Variants in RNF213 observed in about 807,000 individuals in gnomAD.
RNF213 encodes ring finger protein 213.
A neutral mutation model predicts 514.4 loss-of-function variants in RNF213; 341 were observed. The ratio of observed to expected loss-of-function variants is 0.66; its 90% CI spans 0.61 to 0.73. RNF213 has a LOEUF of 0.73. RNF213 is among the 30% of genes least tolerant of loss of function. The probability of loss-of-function intolerance (pLI) is 0.00; values close to 1 mark genes in which losing one functional copy is unlikely to be tolerated. For missense variants in RNF213, 5,767 were observed against 6,615.6 expected (o/e 0.87, Z 4.45); for synonymous variants, 2,655 against 2,658.2 (o/e 1.00, Z 0.04).
At chr17:80,364,314 C>A in intron 41 of RNF213, 119 bp from the exon 42 acceptor site, 1 of 1,422,454 alleles carries the variant, frequency 7.0e-7, no homozygotes, top group Non-Finnish European at 9.9e-7. Context: ...GCTTGTAATC[C>A]CAGCCGCTGG....
In RNF213 at chr17:80,340,021, G is replaced by A. The variant is rs1007982319; in HGVS notation, c.5654G>A (p.Gly1885Asp). The change falls in exon 26 of 68, where the codon GGC becomes GAC. Residue 1885 changes from glycine to aspartate, a missense_variant. By Grantham distance (94) the Gly-to-Asp change is moderately conservative. Transcript: ENST00000582970. ...ALLLRRCLTL[G>D]SLGHKVYSLL... is the part of the protein sequence containing the mutation. ...TTGCTGCGCCGCTGCCTGACCCTGGGCTCCCTGGGGCACAAGGTCTACAGC... is the reference window on the plus strand; with the variant it reads ...TTGCTGCGCCGCTGCCTGACCCTGGACTCCCTGGGGCACAAGGTCTACAGC... 6 of 1,542,890 alleles carry A rather than the reference G, an allele frequency of 3.9e-6. No homozygotes were observed. In the African/African-American group the frequency reaches 4.1e-5, roughly 11 times the overall value.
intron 26 of RNF213, 56 bp downstream of exon 26, chr17:80,340,412 T>G: frequency 6.1e-6 from 9 of 1,471,776 alleles, no homozygotes; most frequent in Non-Finnish European, 7.4e-6. Flanking sequence ...CCCGGGGCCC[T>G]TCCCCCCTCC....
At chr17:80,269,768 A>G (rs926635432) in intron 2 of RNF213, among the ~76,000 whole-genome samples, 12 of 152,182 alleles carry the variant, frequency 7.9e-5, no homozygotes, top group African/African-American at 2.7e-4. Context: ...CCATCCGTCC[A>G]TCCATCCATG....
intron 20 of RNF213, 129 bp from the exon 21 acceptor site, chr17:80,331,877 A>G: frequency 8.9e-7 from 1 of 1,125,006 alleles, no homozygotes; most frequent in Non-Finnish European, 1.2e-6. Flanking sequence ...TTCCTGAGAA[A>G]GAAATCCTAG....
rs988871666 is a variant in RNF213 at position 80,348,030 on chromosome 17, A to G, written c.9695A>G (p.Gln3232Arg). 1.9e-6 allele frequency: 3 copies of G among 1,614,096 alleles called. No homozygotes were observed. In the African/African-American group the frequency reaches 4.0e-5, roughly 22 times the overall value. The part of the protein sequence containing the change: ...HSDACASVVL[Q>R]VIERQGPRAL... Reference sequence around the variant, plus strand: ...GACGCCTGCGCGTCTGTGGTGCTGCAGGTCATAGAGAGGCAGGGTCCCCGG... The same window carrying G: ...GACGCCTGCGCGTCTGTGGTGCTGCGGGTCATAGAGAGGCAGGGTCCCCGG... The change falls in exon 29 of 68, where the codon CAG (glutamine) becomes CGG (arginine). Residue 3232 changes from glutamine (Q) to arginine (R), a missense_variant. Transcript: ENST00000582970.
At chr17:80,269,492 T>A (rs1263469284) in intron 2 of RNF213, among the ~76,000 whole-genome samples, 1 of 151,996 alleles carries the variant, frequency 6.6e-6, no homozygotes, top group Non-Finnish European at 1.5e-5. Context: ...TATCCATCCA[T>A]CCATTCATCT....
intron 42 of RNF213, among the ~76,000 whole-genome samples, chr17:80,366,153 T>C (rs1347034897): frequency 1.3e-5 from 2 of 152,188 alleles, no homozygotes; most frequent in African/African-American, 4.8e-5. Flanking sequence ...CCTTCCGCCG[T>C]GAGGCTGGCT....
In RNF213 at chr17:80,263,354, G is replaced by A. The variant is rs1231909011; in HGVS notation, c.-108-220G>A. On this transcript the variant is annotated intron_variant, in intron 1 of 67. Coordinates refer to ENST00000582970, the MANE Select transcript of RNF213 (RefSeq NM_001256071.3). The surrounding 1 kb of genome is among the most constrained non-coding windows in gnomAD (Gnocchi z 4.9). ...GCCGAACAGCACGTGGCTGCCCCACGCCTGCCTGGAGCATCCCCTATCCCC... is the reference window on the plus strand; with the variant it reads ...GCCGAACAGCACGTGGCTGCCCCACACCTGCCTGGAGCATCCCCTATCCCC... Among the ~76,000 whole-genome samples, 2 of 152,158 alleles carry A rather than the reference G, an allele frequency of 1.3e-5. No homozygotes were observed. Among genetic ancestry groups the A allele is most frequent in the African/African-American group, 2.4e-5 (1 of 41,434 alleles).
chr17:80,328,833 G>T (rs1481952450), intron 20 of RNF213, among the ~76,000 whole-genome samples: 1 of 152,124 alleles, frequency 6.6e-6, no homozygotes, highest in East Asian at 1.9e-4. Flanking sequence ...TAACGGAGTT[G>T]CATCATTGTT....
Position 80,374,519 on chromosome 17 carries a change from A to AG in RNF213, c.13006dup (p.Ala4336GlyfsTer4). 1 of 1,614,182 alleles carries AG rather than the reference A, an allele frequency of 6.2e-7. No individual in the cohort carries two copies. The highest frequency in any genetic ancestry group is 8.5e-7 in the Non-Finnish European group (1 of 1,180,020). ...TACCTGGTGTACGGCGATGAATACA[A>AG]GGCTCTCCGTGATGCTGTGGCCAAA... is the stretch of plus-strand genomic sequence containing the variant. On this transcript the variant is annotated frameshift_variant, in exon 50 of 68. Transcript: ENST00000582970. LOFTEE classifies it high-confidence loss of function.
rs763617593 is a variant in RNF213, at chr17:80,294,797, G to A, written c.1549G>A (p.Gly517Arg). The change falls in exon 9 of 68, where the codon GGG (glycine) becomes AGG (arginine). Residue 517 changes from glycine (G) to arginine (R), a missense_variant. Physicochemically the swap from Gly to Arg is moderately radical, Grantham distance 125 (BLOSUM62 -2). Around this residue, in one of 13 missense-constraint regions of RNF213, gnomAD observed 592 missense variants for 673.9 expected, o/e 0.88. Transcript: ENST00000582970. ...LQKVMNHITD[G>R]PRKDLVKGKQ... is the part of the protein sequence containing the mutation. ...GAAAGTCATGAACCACATCACAGAC[G>A]GGCCGAGGAAGGACCTGGTGAAGGG... 1.3e-5 allele frequency: 21 copies of A among 1,614,016 alleles called. No homozygotes were observed. The East Asian group carries it at 3.8e-4, about 29-fold the overall frequency.
chr17:80,371,358 C>T (rs2079511703), intron 46 of RNF213, among the ~76,000 whole-genome samples: 1 of 152,228 alleles, frequency 6.6e-6, no homozygotes, highest in South Asian at 2.1e-4. Flanking sequence ...CATGTTCTCC[C>T]ATATGCTGCA....
intron 2 of RNF213, among the ~76,000 whole-genome samples, chr17:80,268,070 C>T (rs529563325): frequency 4.6e-5 from 7 of 152,088 alleles, no homozygotes; most frequent in Non-Finnish European, 1.0e-4. Context: ...ATCCCCCTGC[C>T]TCTGCCTCCC....
In RNF213 at chr17:80,395,494, A is replaced by G. The variant is rs1368355162; in HGVS notation, c.*1996A>G. ...GTGAGACGGTGGACTTTTCCTCTGG[A>G]CAAAATGACAGCATCCTGGCGACTC... On this transcript the variant is annotated 3_prime_UTR_variant, in exon 68 of 68. Transcript: ENST00000582970. The G allele has an allele frequency of 6.6e-6, 1 of 152,224 alleles. No homozygotes were observed. The highest frequency in any genetic ancestry group is 2.4e-5 in the African/African-American group (1 of 41,438). The allele number at this position is 152,224 out of a possible 1,614,324, so 9.4% of individuals were successfully genotyped here. A position where few individuals can be genotyped will look rare whatever the true frequency, so the allele number is the denominator to read the frequency against.
At chr17:80,384,274 T>A (rs970010344) in intron 59 of RNF213, among the ~76,000 whole-genome samples, 9 of 152,182 alleles carry the variant, frequency 5.9e-5, no homozygotes, top group African/African-American at 2.2e-4. Flanking sequence ...TCCACAATGC[T>A]GGAGCATGGG....
rs1229280863 is a variant in RNF213 at position 80,371,901 on chromosome 17, G to A, written c.12453G>A (p.Gln4151=). The A allele has an allele frequency of 6.4e-7, 1 of 1,552,224 alleles. No individual in the cohort carries two copies. Among genetic ancestry groups the A allele is most frequent in the Non-Finnish European group, 8.9e-7 (1 of 1,123,824 alleles). Residue 4151 remains glutamine, a synonymous_variant, in exon 47 of 68, where the codon CAG becomes CAA. Transcript: ENST00000582970. ...TTCATGATGTAAAAGATTATATTCAGGAATATTTGACCCTGTTAAAAAAGA... is the reference window on the plus strand; with the variant it reads ...TTCATGATGTAAAAGATTATATTCAAGAATATTTGACCCTGTTAAAAAAGA... ...YSFHDVKDYI[Q]EYLTLLKKKA... is the part of the protein sequence containing the mutation.
intron 13 of RNF213, 38 bp downstream of exon 13, chr17:80,307,239 C>A (rs111659420): frequency 6.3e-7 from 1 of 1,597,294 alleles, no homozygotes; most frequent in South Asian, 1.1e-5. Context: ...CCCTCACATG[C>A]GGCCCCCGGG....
rs770808377 is a variant in RNF213 at position 80,390,053 on chromosome 17, G to C, written c.15327G>C (p.Leu5109=). The C allele has an allele frequency of 2.5e-6, 4 of 1,614,256 alleles. No homozygotes were observed. Among genetic ancestry groups the C allele is most frequent in the Non-Finnish European group, 3.4e-6 (4 of 1,180,048 alleles). The part of the protein sequence containing the change: ...GEISSRYKAD[L]SPENAKLLST... ...TCAGTTCAAGGTACAAAGCGGATCTGAGCCCGGAAAATGCTAAGCTCCTCA... is the reference window on the plus strand; with the variant it reads ...TCAGTTCAAGGTACAAAGCGGATCTCAGCCCGGAAAATGCTAAGCTCCTCA... Residue 5109 remains leucine (L), a synonymous_variant, in exon 67 of 68, where the codon CTG becomes CTC. Transcript: ENST00000582970.
At chr17:80,262,246 C>T (rs1471334508) in intron 1 of RNF213, among the ~76,000 whole-genome samples, 1 of 151,834 alleles carries the variant, frequency 6.6e-6, no homozygotes, top group Non-Finnish European at 1.5e-5. Context: ...TTTAAACTCT[C>T]CTTCTACTCT....
Sources: gnomAD v4.1 joint callset for allele counts (sites outside exome capture counted in the v4.1 genomes callset) on GRCh38, gnomAD v4.1.1 for gene constraint, gnomAD v4.1.1 regional missense constraint, Gnocchi (gnomAD v3.1) non-coding constraint, MANE v1.5 for transcripts, NCBI Gene and HGNC (gene_info 2026-07-23, HGNC 2026-07-21) for gene names.